The following NRCAM variants were observed in gnomAD, a reference collection of about 807,000 sequenced individuals.
The protein encoded by NRCAM is neuronal cell adhesion molecule.
In NRCAM, 83 loss-of-function variants were observed where a neutral mutation model predicts 156.5. The observed-to-expected ratio is 0.53, with a 90% CI of 0.44 to 0.64. NRCAM has a LOEUF of 0.64. Ranked by LOEUF, NRCAM falls within the 30% of genes least tolerant of loss-of-function variation. NRCAM has a pLI of 0.00. For synonymous variants in NRCAM, 538 were observed against 563.9 expected, an observed-to-expected ratio of 0.95 and a Z score of 0.65; for missense variants, 1,417 against 1,597.3, an observed-to-expected ratio of 0.89 and a Z score of 1.92.
At chr7:108,199,844 G>T (rs114375584) in intron 13 of NRCAM, among the ~76,000 whole-genome samples, 2,250 of 152,204 alleles carry the variant, frequency 0.015, 49 homozygotes, top group African/African-American at 0.047. Flanking sequence ...ACATCATGGC[G>T]GGGTGGGGTA....
intron 11 of NRCAM, among the ~76,000 whole-genome samples, chr7:108,217,852 G>C (rs1445493910): frequency 6.6e-6 from 1 of 152,110 alleles, no homozygotes; most frequent in Non-Finnish European, 1.5e-5. Flanking sequence ...TAGCTTGCTG[G>C]GCTTCATGGG....
chr7:108,191,898 C>T (rs778632247), intron 17 of NRCAM, 45 bp from the exon 18 acceptor site: 17 of 1,579,882 alleles, frequency 1.1e-5, no homozygotes, highest in East Asian at 4.5e-5. Flanking sequence ...GACATGCAGC[C>T]GTACCCTATA....
At chr7:108,382,084 A>C (rs936461141) in intron 2 of NRCAM, among the ~76,000 whole-genome samples, 2 of 152,170 alleles carry the variant, frequency 1.3e-5, no homozygotes, top group Non-Finnish European at 2.9e-5. Flanking sequence ...TCCTGCTGAC[A>C]TTCAGGAAAG....
intron 13 of NRCAM, among the ~76,000 whole-genome samples, chr7:108,199,293 A>G (rs1421970290): frequency 6.6e-6 from 1 of 152,234 alleles, no homozygotes; most frequent in Non-Finnish European, 1.5e-5. Context: ...TGTAATAAAA[A>G]TCAACCAAAC....
intron 3 of NRCAM, among the ~76,000 whole-genome samples, chr7:108,293,117 C>T (rs752415734): frequency 1.5e-4 from 23 of 152,138 alleles, no homozygotes; most frequent in Non-Finnish European, 2.8e-4. Context: ...CATGGAAAAT[C>T]AAACGGTGTG....
At chr7:108,297,319 C>T (rs1311086981) in intron 3 of NRCAM, among the ~76,000 whole-genome samples, 4 of 152,242 alleles carry the variant, frequency 2.6e-5, no homozygotes, top group African/African-American at 4.8e-5. Flanking sequence ...ACTCTACCTC[C>T]GCATTTTAAC....
chr7:108,313,698 T>G (rs922882153), intron 2 of NRCAM, among the ~76,000 whole-genome samples: 1 of 152,236 alleles, frequency 6.6e-6, no homozygotes, highest in African/African-American at 2.4e-5. Context: ...TCATTGCATG[T>G]GAAGCAATGA....
At chr7:108,250,528 T>C (rs1463396048) in intron 3 of NRCAM, among the ~76,000 whole-genome samples, 2 of 151,736 alleles carry the variant, frequency 1.3e-5, no homozygotes, top group South Asian at 2.1e-4. Context: ...TTCTCACTTA[T>C]TTGTGGGATC....
chr7:108,367,558 C>A (rs895142887), intron 2 of NRCAM, among the ~76,000 whole-genome samples: 7 of 152,076 alleles, frequency 4.6e-5, no homozygotes, highest in African/African-American at 1.7e-4. Context: ...GAGTTTGGGG[C>A]AGCTATTTTG....
intron 32 of NRCAM, among the ~76,000 whole-genome samples, chr7:108,155,303 A>C (rs1415185932): frequency 6.6e-6 from 1 of 151,874 alleles, no homozygotes; most frequent in Non-Finnish European, 1.5e-5. Flanking sequence ...CAAAGGTTGA[A>C]TGGATTTCAA....
rs769657614 is a variant in NRCAM, at chr7:108,178,099, G to C, written c.2865C>G (p.Pro955=). The change falls in exon 26 of 33, where the codon CCC becomes CCG. Residue 955 remains proline (P), a synonymous_variant. Coordinates refer to ENST00000379028, the MANE Select transcript of NRCAM (RefSeq NM_001037132.4). ...FNTPEGVPSA[P]SSLKIVNPTL... is the part of the protein sequence containing the mutation. Reference sequence around the variant, plus strand: ...TTGGATTCACAATCTTCAAAGACGAGGGAGCACTGGGGACTTACAGTGAGA... The same window carrying C: ...TTGGATTCACAATCTTCAAAGACGACGGAGCACTGGGGACTTACAGTGAGA... 5.0e-6 allele frequency: 8 copies of C among 1,611,910 alleles called. No homozygotes were observed. The highest frequency in any genetic ancestry group is 6.8e-6 in the Non-Finnish European group (8 of 1,179,056).
intron 3 of NRCAM, among the ~76,000 whole-genome samples, chr7:108,255,597 G>A (rs1199896007): frequency 6.6e-6 from 1 of 152,148 alleles, no homozygotes; most frequent in African/African-American, 2.4e-5. Flanking sequence ...CCCCGTCTGG[G>A]AAGTGAGGAG....
At chr7:108,229,587 C>T (rs989374371) in intron 8 of NRCAM, among the ~76,000 whole-genome samples, 13 of 152,206 alleles carry the variant, frequency 8.5e-5, no homozygotes, top group Admixed American at 5.9e-4. Context: ...CCAGACTCTG[C>T]TTTCCTGCTT....
chr7:108,356,580 T>G (rs941716045), intron 2 of NRCAM, among the ~76,000 whole-genome samples: 2 of 152,186 alleles, frequency 1.3e-5, no homozygotes, highest in African/African-American at 4.8e-5. Context: ...AAATTGTTCT[T>G]TTTTTGAGAG....
intron 3 of NRCAM, among the ~76,000 whole-genome samples, chr7:108,247,462 T>C (rs1731940034): frequency 6.6e-6 from 1 of 151,764 alleles, no homozygotes; most frequent in Non-Finnish European, 1.5e-5. Context: ...TCTATATATA[T>C]GTTGGTGCAG....
chr7:108,320,319 G>A (rs2098985750), intron 2 of NRCAM, among the ~76,000 whole-genome samples: 1 of 151,986 alleles, frequency 6.6e-6, no homozygotes, highest in South Asian at 2.1e-4. Flanking sequence ...AATTATCTGG[G>A]CATGGTGGCA....
At chr7:108,445,283 C>A (rs546499902) in intron 1 of NRCAM, among the ~76,000 whole-genome samples, 54 of 152,290 alleles carry the variant, frequency 3.5e-4, no homozygotes, top group African/African-American at 1.2e-3. Flanking sequence ...CTTATTTTAT[C>A]ATATTGACTC....
chr7:108,390,640 C>G (rs775775247), intron 2 of NRCAM, among the ~76,000 whole-genome samples: 3 of 152,076 alleles, frequency 2.0e-5, no homozygotes, highest in Non-Finnish European at 4.4e-5. Context: ...GCTCTTGCTT[C>G]TCTAGATCTT....
chr7:108,162,813 A>G (rs2050071859), intron 30 of NRCAM, among the ~76,000 whole-genome samples: 1 of 152,264 alleles, frequency 6.6e-6, no homozygotes, highest in Admixed American at 6.5e-5. Flanking sequence ...TCACACACAC[A>G]CAAGTACACC....
Sources: allele counts gnomAD v4.1 joint callset (sites outside exome capture counted in the v4.1 genomes callset), GRCh38; gene constraint gnomAD v4.1.1; transcripts MANE v1.5; gene names NCBI Gene and HGNC (gene_info 2026-07-23, HGNC 2026-07-21).